CCBE1: variants seen among roughly 807,000 people sequenced by gnomAD.
The protein encoded by CCBE1 is collagen and calcium-binding EGF domain-containing protein 1.
In CCBE1, 37 loss-of-function variants were observed where a neutral mutation model predicts 50.0. The ratio of observed to expected loss-of-function variants is 0.74; its 90% CI spans 0.57 to 0.97. CCBE1 has a LOEUF of 0.97. CCBE1 is among the 50% of genes least tolerant of loss of function. CCBE1 has a pLI of 0.00. For missense variants in CCBE1, 538 were observed against 523.8 expected (o/e 1.03, Z -0.26); for synonymous variants, 234 against 203.7 (o/e 1.15, Z -1.27).
intron 2 of CCBE1, among the ~76,000 whole-genome samples, chr18:59,522,029 T>C (rs541205783): frequency 6.6e-6 from 1 of 152,326 alleles, no homozygotes; most frequent in Non-Finnish European, 1.5e-5. Flanking sequence ...TGCTTTAATT[T>C]GAATTATAAA....
chr18:59,467,596 T>C (rs585632), intron 4 of CCBE1, among the ~76,000 whole-genome samples: 67,764 of 151,984 alleles, frequency 0.45, 15,512 homozygotes, highest in East Asian at 0.65. Context: ...ACTATGCACA[T>C]CATGGACTTG....
intron 2 of CCBE1, among the ~76,000 whole-genome samples, chr18:59,669,421 C>T (rs1386274993): frequency 6.6e-6 from 1 of 152,222 alleles, no homozygotes; most frequent in African/African-American, 2.4e-5. Context: ...CCTTGGCTTC[C>T]TCCTTGAATC....
At chr18:59,539,464 C>CA (rs1028628018) in intron 2 of CCBE1, among the ~76,000 whole-genome samples, 24 of 152,180 alleles carry the variant, frequency 1.6e-4, no homozygotes, top group Admixed American at 1.2e-3. Flanking sequence ...GTTCAGCTGA[C>CA]ACCTGATTGT....
At chr18:59,456,919 C>T (rs1314598211) in intron 5 of CCBE1, among the ~76,000 whole-genome samples, 2 of 152,188 alleles carry the variant, frequency 1.3e-5, no homozygotes, top group African/African-American at 4.8e-5. Context: ...ACCATCCCTG[C>T]ACCATGGGAG....
chr18:59,457,562 G>T (rs979624559), intron 5 of CCBE1, among the ~76,000 whole-genome samples: 11 of 152,084 alleles, frequency 7.2e-5, no homozygotes, highest in African/African-American at 2.7e-4. Context: ...GATGGGAGGC[G>T]ATGCCCAGCA....
At chr18:59,627,710 C>A (rs1313284908) in intron 2 of CCBE1, among the ~76,000 whole-genome samples, 1 of 152,204 alleles carries the variant, frequency 6.6e-6, no homozygotes, top group Non-Finnish European at 1.5e-5. Flanking sequence ...CAGCAACCCC[C>A]AGACGCTGGA....
At position 59,584,040 on chromosome 18, in the gene CCBE1, C is replaced by A. The variant is rs367755801; in HGVS notation, c.213-103802G>T. On this transcript the variant is annotated intron_variant, in intron 2 of 10. Coordinates refer to ENST00000439986, the MANE Select transcript of CCBE1 (RefSeq NM_133459.4). Reference sequence around the variant, plus strand: ...ACTATAAATCATGCTGCTATAAAGACACATGCACACGTATGTTTATTGCGG... The same window carrying A: ...ACTATAAATCATGCTGCTATAAAGAAACATGCACACGTATGTTTATTGCGG... Among the ~76,000 whole-genome samples the A allele has an allele frequency of 3.8e-4, 58 of 152,206 alleles. No individual in the cohort carries two copies. In the East Asian group the frequency reaches 9.7e-3, roughly 25 times the overall value.
chr18:59,659,012 C>A (rs989839807), intron 2 of CCBE1, among the ~76,000 whole-genome samples: 2 of 151,956 alleles, frequency 1.3e-5, no homozygotes, highest in Non-Finnish European at 2.9e-5. Context: ...ATCTCCATTT[C>A]CATCAGCACC....
At chr18:59,524,250 G>A (rs1161048256) in intron 2 of CCBE1, among the ~76,000 whole-genome samples, 2 of 152,158 alleles carry the variant, frequency 1.3e-5, no homozygotes, top group Admixed American at 6.5e-5. Context: ...AACCTAGGAG[G>A]CGAAGTTTGC....
chr18:59,620,953 A>G (rs2053703039), intron 2 of CCBE1, among the ~76,000 whole-genome samples: 1 of 152,224 alleles, frequency 6.6e-6, no homozygotes, highest in Admixed American at 6.5e-5. Flanking sequence ...TCAATTTGCC[A>G]TAAAGGAAAC....
In CCBE1 at chr18:59,466,822, T is replaced by C. The variant is rs773851526; in HGVS notation, c.470A>G (p.Tyr157Cys). The change falls in exon 5 of 11, where the codon TAC (tyrosine) becomes TGC (cysteine). Residue 157 changes from tyrosine (Y) to cysteine (C), a missense_variant. By Grantham distance (194) the Tyr-to-Cys change is radical. Transcript: ENST00000439986. The part of the protein sequence containing the change: ...AHICINTLGS[Y>C]RCECREGYIR... ...GTAGCCTTCCCGGCACTCGCAGCGG[T>C]AGCTGCCCAAGGTATTGATGCAGAT... 1 of 1,613,394 alleles carries C rather than the reference T, an allele frequency of 6.2e-7. No individual in the cohort carries two copies. The highest frequency in any genetic ancestry group is 2.2e-5 in the East Asian group (1 of 44,876).
At chr18:59,601,779 G>C (rs571988918) in intron 2 of CCBE1, among the ~76,000 whole-genome samples, 1 of 152,288 alleles carries the variant, frequency 6.6e-6, no homozygotes, top group South Asian at 2.1e-4. Context: ...GGACATTATG[G>C]AATTAGTGAG....
At chr18:59,679,687 T>C (rs1330496454) in intron 2 of CCBE1, among the ~76,000 whole-genome samples, 1 of 152,270 alleles carries the variant, frequency 6.6e-6, no homozygotes, top group Non-Finnish European at 1.5e-5. Flanking sequence ...CTAAGACAGG[T>C]CTCAGTTAAT....
chr18:59,544,383 C>G (rs1249137247), intron 2 of CCBE1, among the ~76,000 whole-genome samples: 1 of 152,156 alleles, frequency 6.6e-6, no homozygotes, highest in Non-Finnish European at 1.5e-5. Flanking sequence ...TAACCCTCAC[C>G]ATTATGAAAT....
chr18:59,611,025 T>G (rs2053562072), intron 2 of CCBE1, among the ~76,000 whole-genome samples: 1 of 152,252 alleles, frequency 6.6e-6, no homozygotes, highest in South Asian at 2.1e-4. Flanking sequence ...TGGGACCTCA[T>G]GCTTCAGCAC....
chr18:59,499,749 A>G (rs978011418), intron 2 of CCBE1, among the ~76,000 whole-genome samples: 1 of 152,210 alleles, frequency 6.6e-6, no homozygotes, highest in Non-Finnish European at 1.5e-5. Context: ...CTAGGTAAGC[A>G]CTGTCTTCTC....
intron 2 of CCBE1, chr18:59,568,661 G>A (rs747851279): frequency 4.6e-5 from 7 of 152,188 alleles, no homozygotes; most frequent in African/African-American, 9.7e-5. Flanking sequence ...AACAGTGCAC[G>A]CTGTAGGCGG....
chr18:59,644,294 C>T (rs900205262), intron 2 of CCBE1, among the ~76,000 whole-genome samples: 4 of 152,212 alleles, frequency 2.6e-5, no homozygotes, highest in African/African-American at 7.2e-5. Flanking sequence ...TCCTGCTGTG[C>T]GGTCCAGTAC....
At chr18:59,508,065 T>C (rs1913962115) in intron 2 of CCBE1, among the ~76,000 whole-genome samples, 1 of 151,874 alleles carries the variant, frequency 6.6e-6, no homozygotes, top group Non-Finnish European at 1.5e-5. Context: ...CTAAATTTTT[T>C]ATATTTTAGT....
Sources: gnomAD v4.1 joint callset for allele counts (sites outside exome capture counted in the v4.1 genomes callset) on GRCh38, gnomAD v4.1.1 for gene constraint, MANE v1.5 for transcripts, NCBI Gene and HGNC (gene_info 2026-07-23, HGNC 2026-07-21) for gene names.